Variants in ACAD10 observed in about 807,000 individuals in gnomAD.
ACAD10 encodes the protein acyl-CoA dehydrogenase family member 10.
ACAD10 carries 112 observed loss-of-function variants against 116.8 expected under a neutral mutation model. The ratio of observed to expected loss-of-function variants is 0.96; its 90% CI spans 0.82 to 1.12. ACAD10 has a LOEUF of 1.12. Ranked by LOEUF, ACAD10 falls within the 50% of genes most tolerant of loss-of-function variation. The probability of loss-of-function intolerance (pLI) is 0.00; values close to 1 mark genes in which losing one functional copy is unlikely to be tolerated. For missense variants in ACAD10, 1,259 were observed against 1,350.2 expected, an observed-to-expected ratio of 0.93 and a Z score of 1.06; for synonymous variants, 486 against 510.6, an observed-to-expected ratio of 0.95 and a Z score of 0.65.
At chr12:111,700,573 C>T (rs529992476) in intron 2 of ACAD10, among the ~76,000 whole-genome samples, 8 of 152,014 alleles carry the variant, frequency 5.3e-5, no homozygotes, top group Non-Finnish European at 1.2e-4. Flanking sequence ...TTGCCAACTC[C>T]GAGACTGTGA....
In ACAD10 at chr12:111,756,508, G is replaced by A; in HGVS notation, c.*35G>A. ...GCTGCAGTGGCTCAATGTCCTGGCT[G>A]GTCCAGCTGTGCCCAGATCTGTCAC... On this transcript the variant is annotated 3_prime_UTR_variant, in exon 21 of 21. Transcript: ENST00000313698. The A allele has an allele frequency of 1.2e-6, 2 of 1,606,028 alleles. No homozygotes were observed. The highest frequency in any genetic ancestry group is 1.7e-6 in the Non-Finnish European group (2 of 1,178,304).
chr12:111,711,489 G>A (rs986083982), intron 5 of ACAD10, among the ~76,000 whole-genome samples: 13 of 151,040 alleles, frequency 8.6e-5, no homozygotes, highest in Non-Finnish European at 1.5e-4. Context: ...GATTACAGGC[G>A]TGAGCCACCA....
intron 10 of ACAD10, among the ~76,000 whole-genome samples, chr12:111,732,563 G>A (rs964287663): frequency 6.6e-6 from 1 of 152,096 alleles, no homozygotes; most frequent in African/African-American, 2.4e-5. Flanking sequence ...TCTGGAAGGT[G>A]GACACATGAG....
intron 8 of ACAD10, among the ~76,000 whole-genome samples, chr12:111,724,301 G>T (rs1298646297): frequency 1.7e-4 from 25 of 144,020 alleles, no homozygotes; most frequent in South Asian, 4.4e-4. Flanking sequence ...GCGGGGCGGA[G>T]ACGCTCCTCA....
intron 2 of ACAD10, among the ~76,000 whole-genome samples, chr12:111,694,028 C>T (rs774039654): frequency 1.6e-4 from 24 of 152,168 alleles, no homozygotes; most frequent in Admixed American, 5.2e-4. Context: ...TGCCAGCCAG[C>T]AGGAAGGACA....
At chr12:111,723,297 G>A (rs1280915728) in intron 8 of ACAD10, among the ~76,000 whole-genome samples, 18 of 136,774 alleles carry the variant, frequency 1.3e-4, no homozygotes, top group Non-Finnish European at 1.8e-4. Context: ...CCTCCCAGAC[G>A]GGGCGGCTGG....
intron 8 of ACAD10, among the ~76,000 whole-genome samples, chr12:111,724,289 C>T (rs1428569108): frequency 7.2e-5 from 11 of 151,780 alleles, no homozygotes; most frequent in Admixed American, 1.3e-4. Flanking sequence ...GATGGGATGG[C>T]GGCGGGGCGG....
At chr12:111,704,419 C>T (rs930192774) in intron 3 of ACAD10, among the ~76,000 whole-genome samples, 10 of 151,826 alleles carry the variant, frequency 6.6e-5, no homozygotes, top group East Asian at 1.9e-4. Flanking sequence ...GGATTACAGG[C>T]GTGAGCCACC....
intron 20 of ACAD10, 177 bp from the exon 21 acceptor site, chr12:111,756,156 A>G: frequency 1.4e-6 from 2 of 1,424,584 alleles, no homozygotes; most frequent in Non-Finnish European, 1.8e-6. Context: ...AGGCCGTGGG[A>G]TGGCAGGTGT....
chr12:111,749,549 G>GC, intron 18 of ACAD10: 1 of 683,384 alleles, frequency 1.5e-6, no homozygotes, highest in Non-Finnish European at 2.4e-6. Flanking sequence ...ACCCCACTCT[G>GC]TCGAGGTGAC....
At chr12:111,717,401 A>G (rs1387612870) in intron 7 of ACAD10, among the ~76,000 whole-genome samples, 3 of 152,064 alleles carry the variant, frequency 2.0e-5, no homozygotes, top group African/African-American at 4.8e-5. Context: ...AAAACTAGTA[A>G]GCAAGTGCTA....
intron 3 of ACAD10, among the ~76,000 whole-genome samples, chr12:111,702,703 C>T (rs558457860): frequency 4.6e-5 from 7 of 152,120 alleles, no homozygotes; most frequent in African/African-American, 1.7e-4. Context: ...TGCACTCCAA[C>T]TTGAGCAACA....
intron 14 of ACAD10, among the ~76,000 whole-genome samples, chr12:111,746,820 G>A (rs538225727): frequency 6.6e-6 from 1 of 152,290 alleles, no homozygotes; most frequent in Admixed American, 6.5e-5. Flanking sequence ...GTGCAACATA[G>A]AACTCTGTAT....
chr12:111,719,670 A>G (rs1888958799), intron 7 of ACAD10, among the ~76,000 whole-genome samples: 1 of 152,134 alleles, frequency 6.6e-6, no homozygotes, highest in Non-Finnish European at 1.5e-5. Context: ...CTCCTGCCTC[A>G]GCCTCCTAAG....
intron 12 of ACAD10, among the ~76,000 whole-genome samples, chr12:111,737,407 G>A (rs918510049): frequency 1.3e-5 from 2 of 152,136 alleles, no homozygotes; most frequent in East Asian, 1.9e-4. Flanking sequence ...AGCTGGTCTC[G>A]AACTCCGGGC....
rs991240963 is a variant in ACAD10 at position 111,694,478 on chromosome 12, G to A, written c.187+1582G>A. On this transcript the variant is annotated intron_variant, in intron 2 of 20. Coordinates refer to ENST00000313698, the MANE Select transcript of ACAD10 (RefSeq NM_025247.6). ...GATTGCACCACTGCACCCCAGACTG[G>A]CACAACAGTCTTTTTTAGAGAACCT... 3.3e-5 allele frequency among the ~76,000 whole-genome samples: 5 copies of A among 152,014 alleles called. 1 individual carries two copies. The South Asian group carries it at 1.0e-3, about 31-fold the overall frequency.
intron 3 of ACAD10, among the ~76,000 whole-genome samples, chr12:111,704,531 A>G (rs1417813300): frequency 1.3e-5 from 2 of 151,804 alleles, no homozygotes; most frequent in Admixed American, 1.3e-4. Context: ...ATTGAATTGT[A>G]CTCTTTAAAT....
intron 9 of ACAD10, 53 bp downstream of exon 9, chr12:111,728,196 G>T (rs1255444050): frequency 1.3e-6 from 2 of 1,522,906 alleles, no homozygotes; most frequent in Non-Finnish European, 8.8e-7. Flanking sequence ...TAGTGCTTCT[G>T]CTTTTAGGAT....
At chr12:111,749,544 A>C in intron 18 of ACAD10, 199 bp downstream of exon 18, 1 of 709,258 alleles carries the variant, frequency 1.4e-6, no homozygotes. Flanking sequence ...AATGGACCCC[A>C]CTCTGTCGAG....
Sources: allele counts gnomAD v4.1 joint callset (sites outside exome capture counted in the v4.1 genomes callset), GRCh38; gene constraint gnomAD v4.1.1; transcripts MANE v1.5; gene names NCBI Gene and HGNC (gene_info 2026-07-23, HGNC 2026-07-21).